HCN1: variants seen among roughly 807,000 people sequenced by gnomAD.
HCN1 encodes hyperpolarization activated cyclic nucleotide gated potassium channel 1, also known as potassium/sodium hyperpolarization-activated cyclic nucleotide-gated channel 1.
Under a neutral mutation model 78.9 loss-of-function variants are expected in HCN1, and 13 were observed. The ratio of observed to expected loss-of-function variants is 0.16; its 90% CI spans 0.11 to 0.26. HCN1 has a LOEUF of 0.26. Among genes scored for constraint, HCN1 ranks in the 10% least tolerant of loss-of-function variants. The pLI is 1.00. For missense variants in HCN1, 810 were observed against 1,154.3 expected (o/e 0.70, Z 4.32); for synonymous variants, 552 against 455.5 (o/e 1.21, Z -2.70).
chr5:45,463,201 T>C (rs908684974), intron 2 of HCN1, among the ~76,000 whole-genome samples: 2 of 152,114 alleles, frequency 1.3e-5, no homozygotes, highest in African/African-American at 4.8e-5. Context: ...GATATCTTTG[T>C]AGGAAAATAT....
At chr5:45,507,018 G>A (rs1330578884) in intron 2 of HCN1, among the ~76,000 whole-genome samples, 1 of 152,102 alleles carries the variant, frequency 6.6e-6, no homozygotes, top group Non-Finnish European at 1.5e-5. Flanking sequence ...AATTCACAGG[G>A]CCATTAGTTG....
chr5:45,298,389 GC>G (rs1292598702), intron 6 of HCN1, among the ~76,000 whole-genome samples: 1 of 151,834 alleles, frequency 6.6e-6, no homozygotes, highest in African/African-American at 2.4e-5. Flanking sequence ...CAGAATCCAA[GC>G]CTCCTTGAAG....
chr5:45,278,872 T>G (rs1745111437), intron 6 of HCN1, among the ~76,000 whole-genome samples: 1 of 152,112 alleles, frequency 6.6e-6, no homozygotes, highest in African/African-American at 2.4e-5. Context: ...CTTATTGAAC[T>G]GCTTTTTTTA....
At chr5:45,497,174 T>A (rs1326479304) in intron 2 of HCN1, among the ~76,000 whole-genome samples, 9 of 152,164 alleles carry the variant, frequency 5.9e-5, no homozygotes, top group Admixed American at 5.9e-4. Flanking sequence ...AAAATGTATA[T>A]TCTGTTGATT....
intron 2 of HCN1, among the ~76,000 whole-genome samples, chr5:45,606,100 G>A (rs1012475936): frequency 6.6e-6 from 1 of 151,960 alleles, no homozygotes; most frequent in Non-Finnish European, 1.5e-5. Flanking sequence ...TTCAGTTTAT[G>A]GTTCCACCAT....
At chr5:45,316,775 C>G (rs1048649757) in intron 5 of HCN1, among the ~76,000 whole-genome samples, 8 of 152,068 alleles carry the variant, frequency 5.3e-5, no homozygotes, top group African/African-American at 1.9e-4. Flanking sequence ...CAATAACAGA[C>G]AAACAGAGAG....
intron 2 of HCN1, among the ~76,000 whole-genome samples, chr5:45,468,181 C>T (rs1336572022): frequency 6.6e-6 from 1 of 152,068 alleles, no homozygotes; most frequent in East Asian, 1.9e-4. Context: ...AGTCTTTCTT[C>T]TGAGAAATCT....
chr5:45,676,427 TA>T (rs1746267656), intron 1 of HCN1, among the ~76,000 whole-genome samples: 1 of 151,800 alleles, frequency 6.6e-6, no homozygotes, highest in Non-Finnish European at 1.5e-5. Flanking sequence ...ATTATACTAT[TA>T]AAATATTTTT....
At chr5:45,612,520 C>T (rs1744858397) in intron 2 of HCN1, among the ~76,000 whole-genome samples, 1 of 152,042 alleles carries the variant, frequency 6.6e-6, no homozygotes, top group Non-Finnish European at 1.5e-5. Flanking sequence ...TATGCAATCC[C>T]AAATATTATG....
chr5:45,468,178 C>A (rs1425831712), intron 2 of HCN1, among the ~76,000 whole-genome samples: 3 of 152,074 alleles, frequency 2.0e-5, no homozygotes, highest in African/African-American at 7.2e-5. Flanking sequence ...AGAAGTCTTT[C>A]TTCTGAGAAA....
intron 2 of HCN1, among the ~76,000 whole-genome samples, chr5:45,564,748 G>C (rs541457896): frequency 6.6e-6 from 1 of 152,102 alleles, no homozygotes; most frequent in Non-Finnish European, 1.5e-5. Context: ...TCAGTAGTAA[G>C]GAACATGAGA....
At chr5:45,492,528 T>TG (rs1314510329) in intron 2 of HCN1, among the ~76,000 whole-genome samples, 1 of 144,248 alleles carries the variant, frequency 6.9e-6, no homozygotes, top group African/African-American at 2.6e-5. Context: ...TGTTTTTTTT[T>TG]TTTTTTTTTG....
At chr5:45,291,050 TCTCA>T (rs1328346232) in intron 6 of HCN1, among the ~76,000 whole-genome samples, 6 of 152,054 alleles carry the variant, frequency 3.9e-5, no homozygotes, top group Non-Finnish European at 5.9e-5. Flanking sequence ...TATTTGATTT[TCTCA>T]CTATCACCAT....
chr5:45,510,139 C>T (rs1237476478), intron 2 of HCN1, among the ~76,000 whole-genome samples: 1 of 152,044 alleles, frequency 6.6e-6, no homozygotes, highest in Non-Finnish European at 1.5e-5. Context: ...AATGGTATGA[C>T]TTGATATCAG....
intron 3 of HCN1, among the ~76,000 whole-genome samples, chr5:45,433,762 A>G (rs939861492): frequency 2.6e-5 from 4 of 152,194 alleles, no homozygotes; most frequent in African/African-American, 4.8e-5. Flanking sequence ...ATTTCAAACT[A>G]GATAATTTTA....
In HCN1 at chr5:45,445,316, G is replaced by A. The variant is rs1050408720; in HGVS notation, c.1011+16530C>T. Among the ~76,000 whole-genome samples, 11 of 152,138 alleles carry A rather than the reference G, an allele frequency of 7.2e-5. No homozygotes were observed. In the East Asian group the frequency reaches 7.7e-4, roughly 11 times the overall value. On this transcript the variant is annotated intron_variant, in intron 3 of 7. Transcript: ENST00000303230. Reference sequence around the variant, plus strand: ...GCAGTATGAGATCAAACTGCAAGGCGGCAGTGAGGCTAGGGGAGGGGCACC... The same window carrying A: ...GCAGTATGAGATCAAACTGCAAGGCAGCAGTGAGGCTAGGGGAGGGGCACC...
At chr5:45,306,902 C>T (rs1412185129) in intron 5 of HCN1, among the ~76,000 whole-genome samples, 1 of 152,016 alleles carries the variant, frequency 6.6e-6, no homozygotes, top group African/African-American at 2.4e-5. Flanking sequence ...TAATAAGTTG[C>T]TCCAGATTAT....
intron 2 of HCN1, among the ~76,000 whole-genome samples, chr5:45,625,684 T>C (rs553729912): frequency 6.6e-6 from 1 of 151,810 alleles, no homozygotes; most frequent in African/African-American, 2.4e-5. Context: ...ATGAAAAACA[T>C]AGAACAGTAA....
intron 4 of HCN1, among the ~76,000 whole-genome samples, chr5:45,356,355 T>G (rs1579836974): frequency 6.6e-6 from 1 of 152,002 alleles, no homozygotes; most frequent in East Asian, 1.9e-4. Flanking sequence ...ATTTTTATTT[T>G]TAAAAGTTTC....
Sources: allele counts gnomAD v4.1 joint callset (sites outside exome capture counted in the v4.1 genomes callset), GRCh38; gene constraint gnomAD v4.1.1; transcripts MANE v1.5; gene names NCBI Gene and HGNC (gene_info 2026-07-23, HGNC 2026-07-21).